The following SHPRH variants were observed in gnomAD, a reference collection of about 807,000 sequenced individuals.
SHPRH encodes SNF2 histone linker PHD RING helicase, also known as E3 ubiquitin-protein ligase SHPRH.
A neutral mutation model predicts 202.5 loss-of-function variants in SHPRH; 106 were observed. The observed-to-expected ratio is 0.52, with a 90% CI of 0.45 to 0.62. SHPRH has a LOEUF of 0.62. Ranked by LOEUF, SHPRH falls within the 20% of genes least tolerant of loss-of-function variation. The pLI, the probability that SHPRH is intolerant of heterozygous loss-of-function variation, is 0.00. For missense variants in SHPRH, 1,710 were observed against 2,020.0 expected, an observed-to-expected ratio of 0.85 and a Z score of 2.94; for synonymous variants, 729 against 686.0, an observed-to-expected ratio of 1.06 and a Z score of -0.98.
chr6:145,925,963 C>T (rs1582713843), intron 16 of SHPRH, among the ~76,000 whole-genome samples: 1 of 151,952 alleles, frequency 6.6e-6, no homozygotes, highest in Admixed American at 6.6e-5. Flanking sequence ...TGGCTACCAA[C>T]AGCCATATCT....
intron 2 of SHPRH, among the ~76,000 whole-genome samples, chr6:145,867,599 A>C (rs1244768372): frequency 4.6e-5 from 1 of 21,592 alleles, no homozygotes; most frequent in East Asian, 2.3e-3. Flanking sequence ...TTCAAAAAAG[A>C]ATATATATAT....
intron 25 of SHPRH, chr6:145,904,118 T>A (rs564370628): frequency 6.6e-6 from 1 of 152,086 alleles, no homozygotes; most frequent in Non-Finnish European, 1.5e-5. Context: ...CTACTACTAA[T>A]AAATAATAGT....
Position 145,926,294 on chromosome 6 carries a change from T to C in SHPRH, c.3204A>G (p.Arg1068=). Residue 1068 remains arginine, a splice_region_variant and synonymous_variant, in exon 16 of 30, where the codon AGA becomes AGG. Coordinates refer to ENST00000275233, the MANE Select transcript of SHPRH (RefSeq NM_001042683.3). The part of the protein sequence containing the change: ...KGKLKTDSLQ[R]LHATHNLMEL... ...CCATCAAGTTATGGGTAGCATGAAGTCTCTACAAACATATCAAAGGCAGTA... is the reference window on the plus strand; with the variant it reads ...CCATCAAGTTATGGGTAGCATGAAGCCTCTACAAACATATCAAAGGCAGTA... 6.2e-7 allele frequency: 1 copy of C among 1,612,510 alleles called. No homozygotes were observed. The highest frequency in any genetic ancestry group is 8.5e-7 in the Non-Finnish European group (1 of 1,179,008).
chr6:145,940,573 T>G (rs1786661329), intron 11 of SHPRH, 150 bp downstream of exon 11: 1 of 706,892 alleles, frequency 1.4e-6, no homozygotes, highest in African/African-American at 1.8e-5. Flanking sequence ...TTTAAAAAGA[T>G]AAATGCTTGA....
Position 145,943,358 on chromosome 6 carries a change from C to T in SHPRH, c.2023G>A (p.Val675Ile). 1 of 1,613,962 alleles carries T rather than the reference C, an allele frequency of 6.2e-7. No individual in the cohort carries two copies. Among genetic ancestry groups the T allele is most frequent in the Non-Finnish European group, 8.5e-7 (1 of 1,179,944 alleles). ...ELDQIDRKPR[V>I]QCLKCHLWQH... Reference sequence around the variant, plus strand: ...CACAGGTGACACTTCAGGCATTGAACACGAGGCTTACGATCTATCTGATCA... The same window carrying T: ...CACAGGTGACACTTCAGGCATTGAATACGAGGCTTACGATCTATCTGATCA... The change falls in exon 9 of 30, where the codon GTT (valine) becomes ATT (isoleucine). Residue 675 changes from valine (V) to isoleucine (I), a missense_variant. Physicochemically the swap from Val to Ile is conservative, Grantham distance 29 (BLOSUM62 3). Around this residue, in one of 8 missense-constraint regions of SHPRH, gnomAD observed 348 missense variants for 356.9 expected, o/e 0.97. Coordinates refer to ENST00000275233, the MANE Select transcript of SHPRH (RefSeq NM_001042683.3).
intron 2 of SHPRH, among the ~76,000 whole-genome samples, chr6:145,876,309 G>T (rs879668905): frequency 6.6e-6 from 1 of 152,100 alleles, no homozygotes; most frequent in Non-Finnish European, 1.5e-5. Flanking sequence ...AGGAGTTTCA[G>T]GCTGCAGTGA....
At chr6:145,892,530 A>G (rs1364748123) in intron 28 of SHPRH, among the ~76,000 whole-genome samples, 3 of 152,100 alleles carry the variant, frequency 2.0e-5, no homozygotes, top group Non-Finnish European at 4.4e-5. Context: ...CTCAATAAAT[A>G]CTGATTTAGT....
At chr6:145,884,638 T>A (rs1780836552), downstream of SHPRH, 1 of 152,152 alleles carries the variant, frequency 6.6e-6, no homozygotes, top group South Asian at 2.1e-4. Flanking sequence ...GAGGATCAGA[T>A]TTGTACTTGT....
downstream of SHPRH, chr6:145,883,132 T>C (rs999011379): frequency 4.6e-5 from 7 of 152,310 alleles, no homozygotes; most frequent in East Asian, 1.4e-3. Context: ...TTATTAATTT[T>C]AGTAATAGTA....
rs1165825483 is a variant in SHPRH at position 145,921,298 on chromosome 6, C to A, written c.3877G>T (p.Ala1293Ser). The A allele has an allele frequency of 6.2e-7, 1 of 1,612,922 alleles. No individual in the cohort carries two copies. Residue 1293 changes from alanine (A) to serine (S), a missense_variant, in exon 21 of 30, where the codon GCA (alanine) becomes TCA (serine). Ala to Ser is a moderately conservative substitution (Grantham distance 99, BLOSUM62 1). This residue lies in a region of SHPRH where 306 missense variants were observed against 479.5 expected (regional missense o/e 0.64). Transcript: ENST00000275233. ...ATAGATCGCTCTGTCTCACTTATTG[C>A]CCAGAGACCCCGGGTGGTGGTAGGT... is the stretch of plus-strand genomic sequence containing the variant. ...RAPTTTRGLW[A>S]ISETERSMKA... is the part of the protein sequence containing the mutation.
At chr6:145,871,989 G>A (rs1421414090) in intron 2 of SHPRH, among the ~76,000 whole-genome samples, 1 of 152,166 alleles carries the variant, frequency 6.6e-6, no homozygotes, top group Non-Finnish European at 1.5e-5. Context: ...GAACTAGCTA[G>A]CCATATGCAG....
intron 13 of SHPRH, among the ~76,000 whole-genome samples, chr6:145,934,227 G>A (rs923610237): frequency 2.0e-5 from 3 of 151,892 alleles, no homozygotes; most frequent in South Asian, 2.1e-4. Flanking sequence ...ATCCCAGCAC[G>A]AGGCTGAGAG....
At chr6:145,871,313 C>T (rs894160736) in intron 2 of SHPRH, 2 of 152,144 alleles carry the variant, frequency 1.3e-5, no homozygotes, top group Non-Finnish European at 2.9e-5. Flanking sequence ...AACCCATTGT[C>T]TCAACCCAAA....
chr6:145,907,058 C>T (rs995699580), intron 25 of SHPRH: 6 of 151,946 alleles, frequency 3.9e-5, no homozygotes, highest in African/African-American at 1.2e-4. Flanking sequence ...TTAGTGACTC[C>T]GAATTTTGTA....
At chr6:145,875,461 A>G (rs1194473315) in intron 2 of SHPRH, among the ~76,000 whole-genome samples, 1 of 152,220 alleles carries the variant, frequency 6.6e-6, no homozygotes, top group East Asian at 1.9e-4. Flanking sequence ...CCTTTAGTTG[A>G]ACCTTACAGT....
chr6:145,862,190 G>A (rs1779600821), downstream of SHPRH, among the ~76,000 whole-genome samples: 1 of 152,078 alleles, frequency 6.6e-6, no homozygotes. Flanking sequence ...GGCCGGGCAC[G>A]GTGGCTCACG....
intron 14 of SHPRH, among the ~76,000 whole-genome samples, chr6:145,931,660 C>T (rs1296603383): frequency 6.6e-6 from 1 of 151,940 alleles, no homozygotes; most frequent in Non-Finnish European, 1.5e-5. Flanking sequence ...TTCTTTTTAT[C>T]TATTCTTTTG....
chr6:145,875,844 C>A (rs1471667113), intron 2 of SHPRH, among the ~76,000 whole-genome samples: 1 of 152,208 alleles, frequency 6.6e-6, no homozygotes, highest in Non-Finnish European at 1.5e-5. Flanking sequence ...GTGAGATTCA[C>A]AGGCCTGGAG....
intron 3 of SHPRH, 136 bp from the exon 4 acceptor site, chr6:145,950,618 T>C (rs970573643): frequency 4.3e-5 from 29 of 681,706 alleles, no homozygotes; most frequent in Non-Finnish European, 6.7e-5. Flanking sequence ...TGAAAGGCCC[T>C]ATCTTTAATT....
Sources: gnomAD v4.1 joint callset for allele counts (sites outside exome capture counted in the v4.1 genomes callset) on GRCh38, gnomAD v4.1.1 for gene constraint, gnomAD v4.1.1 regional missense constraint, MANE v1.5 for transcripts, NCBI Gene and HGNC (gene_info 2026-07-23, HGNC 2026-07-21) for gene names.